FRMD4A: variants seen among roughly 807,000 people sequenced by gnomAD.
The protein encoded by FRMD4A is FERM domain-containing protein 4A.
A neutral mutation model predicts 129.1 loss-of-function variants in FRMD4A; 29 were observed. The ratio of observed to expected loss-of-function variants is 0.22; its 90% CI spans 0.17 to 0.31. The LOEUF (loss-of-function observed/expected upper bound fraction) is 0.31, where lower values mean the gene tolerates loss of function less well. FRMD4A is among the 10% of genes least tolerant of loss of function. FRMD4A has a pLI of 1.00. For synonymous variants in FRMD4A, 634 were observed against 571.6 expected (o/e 1.11, Z -1.56); for missense variants, 1,272 against 1,375.8 (o/e 0.92, Z 1.19).
chr10:14,272,041 GA>G (rs1368759680), intron 2 of FRMD4A, among the ~76,000 whole-genome samples: 1 of 151,510 alleles, frequency 6.6e-6, no homozygotes, highest in Non-Finnish European at 1.5e-5. Context: ...AAGAAAATCA[GA>G]AAAAAAACCT....
At chr10:13,694,806 C>T (rs2086058552) in intron 14 of FRMD4A, among the ~76,000 whole-genome samples, 1 of 151,038 alleles carries the variant, frequency 6.6e-6, no homozygotes, top group South Asian at 2.1e-4. Flanking sequence ...TGCACCATTG[C>T]ACCCCAGCCT....
chr10:13,971,838 G>A (rs1375319732), intron 2 of FRMD4A: 1 of 1,303,544 alleles, frequency 7.7e-7, no homozygotes, highest in East Asian at 5.5e-5. Context: ...CTGGTCCCTG[G>A]CCCCACATCC....
chr10:13,904,335 C>T (rs1266395058), intron 2 of FRMD4A, among the ~76,000 whole-genome samples: 1 of 152,198 alleles, frequency 6.6e-6, no homozygotes, highest in Non-Finnish European at 1.5e-5. Flanking sequence ...TCCCGTCCTC[C>T]CTGACACCTG....
At chr10:13,813,294 A>T (rs1452620310) in intron 3 of FRMD4A, among the ~76,000 whole-genome samples, 3 of 152,176 alleles carry the variant, frequency 2.0e-5, no homozygotes, top group Non-Finnish European at 2.9e-5. Context: ...AAAATAAAAC[A>T]ATTAGCCAGG....
intron 2 of FRMD4A, among the ~76,000 whole-genome samples, chr10:13,930,639 G>A (rs1449119730): frequency 6.6e-6 from 1 of 152,128 alleles, no homozygotes; most frequent in Admixed American, 6.6e-5. Context: ...GGTCTGGGGG[G>A]AAACAGACAG....
chr10:13,790,956 A>G (rs2092987725), intron 5 of FRMD4A, among the ~76,000 whole-genome samples: 1 of 152,100 alleles, frequency 6.6e-6, no homozygotes. Context: ...TCGAGGGAGA[A>G]GCTCTGTGAG....
At chr10:14,134,492 T>C (rs528135465) in intron 2 of FRMD4A, among the ~76,000 whole-genome samples, 6 of 148,402 alleles carry the variant, frequency 4.0e-5, no homozygotes, top group South Asian at 2.2e-4. Flanking sequence ...TGTGGATATA[T>C]GGGGGGATGA....
chr10:14,049,777 C>T (rs1234810802), intron 2 of FRMD4A, among the ~76,000 whole-genome samples: 1 of 152,132 alleles, frequency 6.6e-6, no homozygotes, highest in Non-Finnish European at 1.5e-5. Context: ...ATCGCTTGAA[C>T]CGTGGAGGCA....
At chr10:14,119,827 G>T (rs183921987) in intron 2 of FRMD4A, among the ~76,000 whole-genome samples, 1 of 152,112 alleles carries the variant, frequency 6.6e-6, no homozygotes, top group Non-Finnish European at 1.5e-5. Context: ...CAAGGCTGAG[G>T]GAATATGTGG....
intron 2 of FRMD4A, among the ~76,000 whole-genome samples, chr10:14,134,389 G>A (rs1306328477): frequency 6.6e-6 from 1 of 151,276 alleles, no homozygotes; most frequent in East Asian, 2.0e-4. Flanking sequence ...GGATAAATGG[G>A]TGAATGGGTG....
intron 3 of FRMD4A, among the ~76,000 whole-genome samples, chr10:13,848,669 G>C (rs1236670574): frequency 6.6e-6 from 1 of 150,918 alleles, no homozygotes; most frequent in Non-Finnish European, 1.5e-5. Flanking sequence ...CTAGATGATC[G>C]CATCAATCTG....
At chr10:13,830,738 G>A (rs1253282302) in intron 3 of FRMD4A, among the ~76,000 whole-genome samples, 2 of 152,192 alleles carry the variant, frequency 1.3e-5, no homozygotes, top group East Asian at 1.9e-4. Context: ...TCCATGTCAC[G>A]CAGCATCCCT....
chr10:13,674,753 C>T (rs531213953), intron 16 of FRMD4A, among the ~76,000 whole-genome samples, 158 bp downstream of exon 16: 10 of 152,288 alleles, frequency 6.6e-5, no homozygotes, highest in South Asian at 2.1e-4. Context: ...GAGCGCTCGC[C>T]GCCCAGATAG....
intron 6 of FRMD4A, among the ~76,000 whole-genome samples, chr10:13,769,956 C>T (rs1055465600): frequency 6.6e-6 from 1 of 152,152 alleles, no homozygotes; most frequent in African/African-American, 2.4e-5. Flanking sequence ...AGCTTGCAGA[C>T]AGCAGACTGT....
chr10:14,325,316 T>C (rs1361274128), intron 2 of FRMD4A, among the ~76,000 whole-genome samples: 1 of 152,230 alleles, frequency 6.6e-6, no homozygotes, highest in East Asian at 1.9e-4. Context: ...ATTATAGTAA[T>C]AGAACTAGGA....
intron 2 of FRMD4A, among the ~76,000 whole-genome samples, chr10:14,158,864 G>GGAA (rs1310933490): frequency 1.3e-5 from 2 of 151,446 alleles, no homozygotes; most frequent in Non-Finnish European, 1.5e-5. Context: ...AGGAGGAGGA[G>GGAA]GAGGAGGAGG....
At chr10:13,925,058 C>T (rs562888882) in intron 2 of FRMD4A, among the ~76,000 whole-genome samples, 2 of 48,050 alleles carry the variant, frequency 4.2e-5, no homozygotes, top group Non-Finnish European at 8.1e-5. Context: ...TGCGAGACTC[C>T]GTGTAAAAAA....
At chr10:14,328,461 T>A (rs976534061) in intron 2 of FRMD4A, among the ~76,000 whole-genome samples, 3 of 151,160 alleles carry the variant, frequency 2.0e-5, no homozygotes, top group African/African-American at 7.3e-5. Context: ...ATAAAGCAGA[T>A]ACACATCTTT....
intron 5 of FRMD4A, among the ~76,000 whole-genome samples, chr10:13,789,510 C>T (rs2092942989): frequency 6.6e-6 from 1 of 151,554 alleles, no homozygotes; most frequent in Non-Finnish European, 1.5e-5. Context: ...AAGAATAATC[C>T]AGACATGTAG....
Sources: allele counts gnomAD v4.1 joint callset (sites outside exome capture counted in the v4.1 genomes callset), GRCh38; gene constraint gnomAD v4.1.1; transcripts MANE v1.5; gene names NCBI Gene and HGNC (gene_info 2026-07-23, HGNC 2026-07-21).